ABCC11: variants seen among roughly 807,000 people sequenced by gnomAD.
The protein encoded by ABCC11 is ATP binding cassette subfamily C member 11.
ABCC11 carries 135 observed loss-of-function variants against 149.3 expected under a neutral mutation model. That is an observed-to-expected ratio of 0.90 (90% confidence interval 0.79 to 1.04). ABCC11 has a LOEUF of 1.04. Ranked by LOEUF, ABCC11 falls within the 50% of genes least tolerant of loss-of-function variation. ABCC11 has a pLI of 0.00. For missense variants in ABCC11, 1,680 were observed against 1,722.1 expected (o/e 0.98, Z 0.43); for synonymous variants, 665 against 671.4 (o/e 0.99, Z 0.15).
chr16:48,170,057 A>G (rs990532119), intron 28 of ABCC11, 48 bp downstream of exon 28: 3 of 1,522,786 alleles, frequency 2.0e-6, no homozygotes, highest in Admixed American at 1.8e-5. Context: ...TTCCCTCATC[A>G]TGCGTAGTCT....
intron 26 of ABCC11, among the ~76,000 whole-genome samples, chr16:48,172,316 G>A (rs1965773816): frequency 6.6e-6 from 1 of 152,132 alleles, no homozygotes; most frequent in Non-Finnish European, 1.5e-5. Context: ...CTGTGAGTAG[G>A]GCTGCTCTAA....
rs559904242 is a variant in ABCC11 at position 48,165,895 on chromosome 16, G to A, written c.*1379C>T. 6.6e-6 allele frequency: 1 copy of A among 152,358 alleles called. No homozygotes were observed. The highest frequency in any genetic ancestry group is 2.4e-5 in the African/African-American group (1 of 41,586). The allele number at this position is 152,358 out of a possible 1,614,324, so 9.4% of individuals were successfully genotyped here. ...AACAAGGTCTCCCCAGAAGTAAGTT[G>A]AAAATGATTGCCTTTTCTATTTGTC... On this transcript the variant is annotated 3_prime_UTR_variant, in exon 30 of 30. Coordinates refer to ENST00000356608, the MANE Select transcript of ABCC11 (RefSeq NM_001370497.1).
chr16:48,197,195 G>A (rs888548228), intron 17 of ABCC11, among the ~76,000 whole-genome samples: 9 of 151,550 alleles, frequency 5.9e-5, no homozygotes, highest in African/African-American at 7.3e-5. Context: ...GTGGTGGTGC[G>A]TGCCTGTAGT....
At chr16:48,210,899 T>A (rs1968863034) in intron 11 of ABCC11, 49 bp downstream of exon 11, 1 of 1,597,722 alleles carries the variant, frequency 6.3e-7, no homozygotes. Context: ...TAGCCTCAGG[T>A]CCTGAGAGCC....
rs565780588 is a variant in ABCC11 at position 48,224,694 on chromosome 16, A to C, written c.396-265T>G. ...ATATCATTTTATCTCTAAATGCTTC[A>C]GTATATATCTCTTTCAGATAAAGTC... On this transcript the variant is annotated intron_variant, in intron 4 of 29. Coordinates refer to ENST00000356608, the MANE Select transcript of ABCC11 (RefSeq NM_001370497.1). 2.0e-5 allele frequency among the ~76,000 whole-genome samples: 3 copies of C among 152,264 alleles called. No homozygotes were observed. The South Asian group carries it at 6.2e-4, about 32-fold the overall frequency.
intron 1 of ABCC11, among the ~76,000 whole-genome samples, chr16:48,244,893 C>T (rs1476856843): frequency 6.6e-6 from 1 of 152,176 alleles, no homozygotes; most frequent in African/African-American, 2.4e-5. Context: ...TCCTCTTCCC[C>T]CTCTCCGCAA....
chr16:48,184,999 C>G (rs1171897487), intron 22 of ABCC11, among the ~76,000 whole-genome samples: 1 of 152,150 alleles, frequency 6.6e-6, no homozygotes, highest in Non-Finnish European at 1.5e-5. Flanking sequence ...GATGGGATAT[C>G]TGAAACTACC....
chr16:48,223,097 C>T (rs1029188296), intron 5 of ABCC11, among the ~76,000 whole-genome samples: 7 of 152,162 alleles, frequency 4.6e-5, no homozygotes, highest in Non-Finnish European at 8.8e-5. Context: ...GTGATTTAGG[C>T]GTTAACAAAG....
At chr16:48,243,238 A>G (rs1703558551) in intron 1 of ABCC11, among the ~76,000 whole-genome samples, 1 of 151,700 alleles carries the variant, frequency 6.6e-6, no homozygotes, top group African/African-American at 2.4e-5. Context: ...CGTCTCTACT[A>G]AAAATACAAA....
At chr16:48,191,738 CA>C (rs1177738498) in intron 20 of ABCC11, among the ~76,000 whole-genome samples, 2 of 151,154 alleles carry the variant, frequency 1.3e-5, no homozygotes, top group Non-Finnish European at 2.9e-5. Flanking sequence ...GACAAAAAAC[CA>C]AACACCACAT....
chr16:48,179,620 A>G (rs1302475109), intron 23 of ABCC11, among the ~76,000 whole-genome samples: 1 of 152,134 alleles, frequency 6.6e-6, no homozygotes, highest in Non-Finnish European at 1.5e-5. Context: ...CCTCGAGGAG[A>G]TCCCAGCTGG....
intron 1 of ABCC11, among the ~76,000 whole-genome samples, chr16:48,238,754 G>A (rs1297101122): frequency 2.0e-5 from 3 of 151,180 alleles, no homozygotes; most frequent in African/African-American, 4.9e-5. Context: ...TGGCTAACAC[G>A]GTGAAACCCC....
chr16:48,185,453 A>G (rs377542839), intron 22 of ABCC11, among the ~76,000 whole-genome samples: 25 of 152,308 alleles, frequency 1.6e-4, no homozygotes, highest in East Asian at 1.2e-3. Flanking sequence ...CATGTCAATC[A>G]CAACCTGTAC....
intron 14 of ABCC11, among the ~76,000 whole-genome samples, chr16:48,202,802 G>T (rs558797302): frequency 6.6e-6 from 1 of 152,126 alleles, no homozygotes; most frequent in Non-Finnish European, 1.5e-5. Context: ...CTTTTATCTC[G>T]GGTGAGGGTC....
chr16:48,225,581 G>T (rs1970020724), intron 4 of ABCC11, among the ~76,000 whole-genome samples: 1 of 152,134 alleles, frequency 6.6e-6, no homozygotes, highest in African/African-American at 2.4e-5. Context: ...AAGGCTTAAT[G>T]AAATCCAGAA....
chr16:48,190,798 A>T (rs1966875792), intron 20 of ABCC11, among the ~76,000 whole-genome samples: 1 of 152,212 alleles, frequency 6.6e-6, no homozygotes, highest in South Asian at 2.1e-4. Context: ...TCTGTATATG[A>T]CCATGCTCAG....
intron 6 of ABCC11, among the ~76,000 whole-genome samples, chr16:48,218,985 A>G (rs960296552): frequency 2.0e-5 from 3 of 152,164 alleles, no homozygotes; most frequent in East Asian, 1.9e-4. Flanking sequence ...AGCAACACAA[A>G]GATGTAGTAT....
Position 48,184,496 on chromosome 16 carries a change from C to A in ABCC11, c.3202G>T (p.Gly1068Cys), listed in dbSNP as rs79462532. ...AAGGAGTAGGGGGTGGAGGAAATGC[C>A]AAAAGCCACGAACAGGGCAACAGCC... The part of the protein sequence containing the change: ...TLAVALFVAF[G>C]ISSTPYSFKV... The change falls in exon 23 of 30, where the codon GGC (glycine) becomes TGC (cysteine). Residue 1068 changes from glycine to cysteine, a missense_variant. Gly to Cys is a radical substitution (Grantham distance 159, BLOSUM62 -3). Coordinates refer to ENST00000356608, the MANE Select transcript of ABCC11 (RefSeq NM_001370497.1). 1 of 1,614,162 alleles carries A rather than the reference C, an allele frequency of 6.2e-7. No homozygotes were observed. Among genetic ancestry groups the A allele is most frequent in the South Asian group, 1.1e-5 (1 of 91,080 alleles).
At chr16:48,189,223 T>C (rs1966850371) in intron 20 of ABCC11, among the ~76,000 whole-genome samples, 1 of 152,210 alleles carries the variant, frequency 6.6e-6, no homozygotes, top group African/African-American at 2.4e-5. Context: ...TGAGCACACC[T>C]TGCAGGTGCG....
Sources: allele counts gnomAD v4.1 joint callset (sites outside exome capture counted in the v4.1 genomes callset), GRCh38; gene constraint gnomAD v4.1.1; transcripts MANE v1.5; gene names NCBI Gene and HGNC (gene_info 2026-07-23, HGNC 2026-07-21).